RAI1: variants seen among roughly 807,000 people sequenced by gnomAD.
RAI1 encodes retinoic acid-induced protein 1.
A neutral mutation model predicts 123.8 loss-of-function variants in RAI1; 9 were observed. The observed-to-expected ratio is 0.07, with a 90% CI of 0.04 to 0.13. The LOEUF is 0.13. RAI1 is among the 10% of genes least tolerant of loss of function. The pLI, the probability that RAI1 is intolerant of heterozygous loss-of-function variation, is 1.00. For missense variants in RAI1, 2,256 were observed against 2,545.8 expected (o/e 0.89, Z 2.45); for synonymous variants, 1,231 against 1,127.3 (o/e 1.09, Z -1.84).
chr17:17,728,743 G>T (rs916156062), intron 2 of RAI1, among the ~76,000 whole-genome samples: 1 of 152,238 alleles, frequency 6.6e-6, no homozygotes, highest in Non-Finnish European at 1.5e-5. Context: ...GCAAGTCAGC[G>T]CTTGTGGTTC....
At chr17:17,686,190 T>TGAG (rs1273200516) in intron 1 of RAI1, among the ~76,000 whole-genome samples, 2 of 151,872 alleles carry the variant, frequency 1.3e-5, no homozygotes, top group African/African-American at 4.8e-5. Flanking sequence ...GAGGGCCAGG[T>TGAG]GAGGTGGAGA....
rs1403267663 is a variant in RAI1, at chr17:17,796,261, G to C, written c.3313G>C (p.Ala1105Pro). 6.3e-7 allele frequency: 1 copy of C among 1,588,170 alleles called. No individual in the cohort carries two copies. Among genetic ancestry groups the C allele is most frequent in the East Asian group, 2.3e-5 (1 of 44,406 alleles). The change falls in exon 3 of 6, where the codon GCT (alanine) becomes CCT (proline). Residue 1105 changes from alanine to proline, a missense_variant. Ala to Pro is a conservative substitution (Grantham distance 27). Transcript: ENST00000353383. This position sits in a 1 kb window ranked among gnomAD's most constrained non-coding sequence, Gnocchi z 5.8. ...GCGGGTGGGGAAGCCCTCACCCAAG[G>C]CTGCCTCCAGCCCCAGCAACCCGGC... ...GKRVGKPSPK[A>P]ASSPSNPAAL...
rs1434536567 is a variant in RAI1, at chr17:17,697,581, A to G, written c.-149+15788A>G. 2.0e-5 allele frequency among the ~76,000 whole-genome samples: 3 copies of G among 152,120 alleles called. No individual in the cohort carries two copies. In the East Asian group the frequency reaches 5.8e-4, roughly 29 times the overall value. On this transcript the variant is annotated intron_variant, in intron 1 of 5. Coordinates refer to ENST00000353383, the MANE Select transcript of RAI1 (RefSeq NM_030665.4). Reference sequence around the variant, plus strand: ...TGCTGAACATGATTTATTTATCTGGATTTGCTCTTGTGGTCTGGGTGTTAC... The same window carrying G: ...TGCTGAACATGATTTATTTATCTGGGTTTGCTCTTGTGGTCTGGGTGTTAC...
rs146142364 is a variant in RAI1, at chr17:17,733,972, G to A, written c.-17+9813G>A. Among the ~76,000 whole-genome samples, 18 of 152,254 alleles carry A rather than the reference G, an allele frequency of 1.2e-4. No homozygotes were observed. In the East Asian group the frequency reaches 1.9e-3, roughly 16 times the overall value. On this transcript the variant is annotated intron_variant, in intron 2 of 5. Coordinates refer to ENST00000353383, the MANE Select transcript of RAI1 (RefSeq NM_030665.4). ...TCTTGGGCCCTGGGACCACGTGTAC[G>A]TTCTGATTCGTCTTCCACTGCTTGG...
chr17:17,802,267 C>T (rs1340755308), intron 3 of RAI1: 1 of 436,792 alleles, frequency 2.3e-6, no homozygotes, highest in African/African-American at 2.0e-5. Context: ...AAGGGATTAC[C>T]ACGTCACCGC....
At chr17:17,751,251 G>C (rs1402129635) in intron 2 of RAI1, among the ~76,000 whole-genome samples, 1 of 152,194 alleles carries the variant, frequency 6.6e-6, no homozygotes, top group Non-Finnish European at 1.5e-5. Context: ...GGTGACATTT[G>C]GTCGGGCTTT....
intron 2 of RAI1, among the ~76,000 whole-genome samples, chr17:17,739,122 C>T (rs762026977): frequency 3.4e-4 from 51 of 152,158 alleles, no homozygotes; most frequent in African/African-American, 9.9e-4. Context: ...GGAGTGAGGC[C>T]GCCTCCTCCG....
chr17:17,742,320 T>C (rs1162868903), intron 2 of RAI1, among the ~76,000 whole-genome samples: 2 of 152,184 alleles, frequency 1.3e-5, no homozygotes, highest in Admixed American at 6.5e-5. Context: ...AGACTCACAA[T>C]AGACACTTAA....
At chr17:17,806,782 G>A (rs2032601327) in intron 4 of RAI1, among the ~76,000 whole-genome samples, 1 of 152,220 alleles carries the variant, frequency 6.6e-6, no homozygotes, top group Admixed American at 6.5e-5. Context: ...GCCACTCACA[G>A]CCTAGGTCCT....
chr17:17,697,891 T>C (rs575574732), intron 1 of RAI1, among the ~76,000 whole-genome samples: 1 of 152,336 alleles, frequency 6.6e-6, no homozygotes, highest in East Asian at 1.9e-4. Context: ...GAGTAGCTGT[T>C]TGTGTGCATG....
In RAI1 at chr17:17,793,788, G is replaced by GCAA; in HGVS notation, c.842_843insACA (p.Gln291dup). 1.6e-6 allele frequency: 1 copy of GCAA among 637,604 alleles called. No homozygotes were observed. The highest frequency in any genetic ancestry group is 8.7e-5 in the Admixed American group (1 of 11,460). 39.5% of individuals were successfully genotyped at this position (637,604 alleles called of 1,614,324 possible). A position where few individuals can be genotyped will look rare whatever the true frequency, so the allele number is the denominator to read the frequency against. On this transcript the variant is annotated inframe_insertion, in exon 3 of 6. Coordinates refer to ENST00000353383, the MANE Select transcript of RAI1 (RefSeq NM_030665.4). ...GCCGCCTCAGCTATGACCAGCAGCA[G>GCAA]CAGCAGCAGCAGCAGCAGCAGCAGC...
At chr17:17,704,305 G>C (rs1014106909) in intron 1 of RAI1, among the ~76,000 whole-genome samples, 5 of 152,144 alleles carry the variant, frequency 3.3e-5, no homozygotes, top group Non-Finnish European at 5.9e-5. Flanking sequence ...GCTCCCTCTG[G>C]GCCTGTCTCT....
intron 1 of RAI1, among the ~76,000 whole-genome samples, chr17:17,701,495 G>A (rs1363611129): frequency 3.3e-5 from 5 of 152,150 alleles, no homozygotes; most frequent in Admixed American, 2.0e-4. Context: ...TTTTGCAGAG[G>A]GAAGGAAAAC....
At position 17,806,569 on chromosome 17, in the gene RAI1, A is replaced by G. The variant is rs115044917; in HGVS notation, c.5659+2720A>G. Among the ~76,000 whole-genome samples, 554 of 152,346 alleles carry G rather than the reference A, an allele frequency of 3.6e-3. 2 individuals are homozygous for G. Among genetic ancestry groups the G allele is most frequent in the African/African-American group, 0.013 (528 of 41,578 alleles). ...CAGAGCTACTGGCCCTTCCAGGCCC[A>G]GCTTCATGTCTCCAGCACCAGCCCT... On this transcript the variant is annotated intron_variant, in intron 4 of 5. Transcript: ENST00000353383.
intron 2 of RAI1, among the ~76,000 whole-genome samples, chr17:17,783,018 C>T (rs1346989198): frequency 0.038 from 2 of 52 alleles, no homozygotes; most frequent in African/African-American, 0.14. Context: ...CTGCTTCACT[C>T]GGCTGACTTC....
At chr17:17,774,473 T>A (rs2031267991) in intron 2 of RAI1, among the ~76,000 whole-genome samples, 1 of 152,220 alleles carries the variant, frequency 6.6e-6, no homozygotes, top group South Asian at 2.1e-4. Flanking sequence ...GTCAGCCAAG[T>A]CTTTTCCTCC....
chr17:17,801,995 C>T lies in RAI1; in HGVS notation c.5566-1761C>T, dbSNP rs1292592404. On this transcript the variant is annotated intron_variant, in intron 3 of 5. Coordinates refer to ENST00000353383, the MANE Select transcript of RAI1 (RefSeq NM_030665.4). This position sits in a 1 kb window ranked among gnomAD's most constrained non-coding sequence, Gnocchi z 4.1. ...ACTGGCTTCGCACTTGGGCAGAGGC[C>T]GCCGCCCTCTCTGCTGCCTTCTCTA... 8.7e-6 allele frequency: 4 copies of T among 461,510 alleles called. No individual in the cohort carries two copies. The highest frequency in any genetic ancestry group is 6.0e-5 in the African/African-American group (3 of 50,088). The allele number at this position is 461,510 out of a possible 1,614,324, so 28.6% of individuals were successfully genotyped here.
intron 2 of RAI1, among the ~76,000 whole-genome samples, chr17:17,786,936 TGTGGCACATG>T (rs2031845857): frequency 6.6e-6 from 1 of 152,144 alleles, no homozygotes; most frequent in African/African-American, 2.4e-5. Flanking sequence ...AGCTGGGCGT[TGTGGCACATG>T]CCTGTAATCC....
intron 1 of RAI1, among the ~76,000 whole-genome samples, chr17:17,722,607 G>A (rs909274267): frequency 6.6e-6 from 1 of 152,224 alleles, no homozygotes; most frequent in Non-Finnish European, 1.5e-5. Context: ...GGCTGTCTCC[G>A]GGCCGCGACC....
Sources: gnomAD v4.1 joint callset for allele counts (sites outside exome capture counted in the v4.1 genomes callset) on GRCh38, gnomAD v4.1.1 for gene constraint, Gnocchi (gnomAD v3.1) non-coding constraint, MANE v1.5 for transcripts, NCBI Gene and HGNC (gene_info 2026-07-23, HGNC 2026-07-21) for gene names.